FAM53A: variants seen among roughly 807,000 people sequenced by gnomAD.
FAM53A encodes family with sequence similarity 53 member A.
In FAM53A, 28 loss-of-function variants were observed where a neutral mutation model predicts 26.6. That is an observed-to-expected ratio of 1.05 (90% CI 0.78 to 1.45). The LOEUF (loss-of-function observed/expected upper bound fraction) is 1.45. Ranked by LOEUF, FAM53A falls within the 40% of genes most tolerant of loss-of-function variation. FAM53A has a pLI of 0.00. For synonymous variants in FAM53A, 290 were observed against 253.1 expected (o/e 1.15, Z -1.38); for missense variants, 650 against 575.8 (o/e 1.13, Z -1.32).
the FAM53A span, among the ~76,000 whole-genome samples, chr4:1,590,991 T>TATATATATATACACACACAC: frequency 4.7e-5 from 6 of 127,872 alleles, no homozygotes; most frequent in African/African-American, 2.0e-4. Context: ...TATATATATA[T>TATATATATATACACACACAC]ATATATATAT....
the FAM53A span, among the ~76,000 whole-genome samples, chr4:1,606,543 G>A: frequency 1.3e-5 from 2 of 152,174 alleles, no homozygotes; most frequent in African/African-American, 4.8e-5. Flanking sequence ...TGTGAGGTGT[G>A]TGTCCTGCCT....
chr4:1,628,758 A>G (rs1322448945), intron 1 of FAM53A, among the ~76,000 whole-genome samples: 5 of 11,160 alleles, frequency 4.5e-4, no homozygotes, highest in Non-Finnish European at 5.8e-4. Context: ...CCATGGGGGG[A>G]GGGTGGCATG....
At chr4:1,577,677 C>G in the FAM53A span, among the ~76,000 whole-genome samples, 1 of 152,220 alleles carries the variant, frequency 6.6e-6, no homozygotes, top group East Asian at 1.9e-4. Flanking sequence ...TTGGAGCGAG[C>G]TGCATGTATT....
intron 1 of FAM53A, among the ~76,000 whole-genome samples, chr4:1,622,032 C>T (rs1715060835): frequency 6.6e-6 from 1 of 152,206 alleles, no homozygotes; most frequent in African/African-American, 2.4e-5. Flanking sequence ...CATCTGCTCT[C>T]TCGCCTTCCT....
Position 1,655,221 on chromosome 4 carries a change from G to C in FAM53A, c.639C>G (p.Ser213=), listed in dbSNP as rs747027524. The change falls in exon 4 of 5, where the codon TCC becomes TCG. Residue 213 remains serine (S), a synonymous_variant. Transcript: ENST00000308132. ...GSGPLWCSAE[S]CLPSTRRRPS... ...GGCGGCGCCTCGTGGAGGGCAAGCA[G>C]GACTCCGCGGAACACCAGAGCGGGC... is the stretch of plus-strand genomic sequence containing the variant. 6.5e-7 allele frequency: 1 copy of C among 1,545,610 alleles called. No individual in the cohort carries two copies. Among genetic ancestry groups the C allele is most frequent in the South Asian group, 1.2e-5 (1 of 83,306 alleles).
At chr4:1,670,813 C>T (rs112649077) in intron 1 of FAM53A, among the ~76,000 whole-genome samples, 1 of 152,332 alleles carries the variant, frequency 6.6e-6, no homozygotes, top group African/African-American at 2.4e-5. Flanking sequence ...ACACCCCACG[C>T]TGGTCGATGT....
At chr4:1,655,945 A>C (rs1713344424) in intron 3 of FAM53A, among the ~76,000 whole-genome samples, 1 of 152,024 alleles carries the variant, frequency 6.6e-6, no homozygotes, top group Non-Finnish European at 1.5e-5. Flanking sequence ...TAAAGGGGAC[A>C]CCGTGTCTGA....
chr4:1,633,585 A>G (rs7667125), intron 1 of FAM53A, among the ~76,000 whole-genome samples: 59,766 of 151,994 alleles, frequency 0.39, 12,824 homozygotes, highest in African/African-American at 0.56. Flanking sequence ...AGATAAAGGC[A>G]GAATTAATGA....
Position 1,639,936 on chromosome 4 carries a change from G to A in FAM53A, c.*1357C>T, listed in dbSNP as rs889444225. 5 of 152,244 alleles carry A rather than the reference G, an allele frequency of 3.3e-5. No individual in the cohort carries two copies. The highest frequency in any genetic ancestry group is 5.9e-5 in the Non-Finnish European group (4 of 68,028). 9.4% of individuals were successfully genotyped at this position (152,244 alleles called of 1,614,324 possible). A position where few individuals can be genotyped will look rare whatever the true frequency, so the allele number is the denominator to read the frequency against. ...AAACCCCTACGATTTTATTAAAAGT[G>A]CAAGAATGAAAAACAGGAAATCCCT... is the stretch of plus-strand genomic sequence containing the variant. On this transcript the variant is annotated 3_prime_UTR_variant, in exon 5 of 5. Coordinates refer to ENST00000308132, the MANE Select transcript of FAM53A (RefSeq NM_001174070.3).
the FAM53A span, among the ~76,000 whole-genome samples, chr4:1,581,782 A>G: frequency 6.6e-6 from 1 of 152,112 alleles, no homozygotes; most frequent in East Asian, 1.9e-4. Context: ...TTTAGTAGAG[A>G]CAGGGTTTCT....
At chr4:1,629,366 G>A (rs1057319724) in intron 1 of FAM53A, among the ~76,000 whole-genome samples, 10 of 152,210 alleles carry the variant, frequency 6.6e-5, no homozygotes, top group Non-Finnish European at 1.2e-4. Context: ...CAGACCACCC[G>A]GCAGCTGGGC....
intron 1 of FAM53A, among the ~76,000 whole-genome samples, chr4:1,628,037 CG>C (rs1715388383): frequency 5.8e-4 from 3 of 5,158 alleles, no homozygotes; most frequent in African/African-American, 1.9e-3. Context: ...GAGGGTGGCA[CG>C]GGGGGAGGGT....
chr4:1,594,821 C>A, the FAM53A span, among the ~76,000 whole-genome samples: 1 of 152,132 alleles, frequency 6.6e-6, no homozygotes, highest in Non-Finnish European at 1.5e-5. Context: ...TCAGCCTGGG[C>A]AACAGAGCAA....
At chr4:1,649,115 A>AAGGGAAGAGGAAGGGGAAGGGGAAG (rs1712502176) in intron 4 of FAM53A, among the ~76,000 whole-genome samples, 1 of 145,612 alleles carries the variant, frequency 6.9e-6, no homozygotes, top group Non-Finnish European at 1.5e-5. Flanking sequence ...CAGAAAGGGA[A>AAGGGAAGAGGAAGGGGAAGGGGAAG]AGGGAAGAGG....
chr4:1,673,277 G>C (rs1266497004), intron 1 of FAM53A, among the ~76,000 whole-genome samples: 1 of 152,206 alleles, frequency 6.6e-6, no homozygotes, highest in Non-Finnish European at 1.5e-5. Flanking sequence ...ATCTGCCTCA[G>C]CACCGTCAGA....
intron 1 of FAM53A, among the ~76,000 whole-genome samples, chr4:1,631,851 C>T (rs1003207718): frequency 1.1e-4 from 16 of 152,158 alleles, no homozygotes; most frequent in African/African-American, 3.6e-4. Context: ...AAAAAAATTG[C>T]TCCTCACTTT....
chr4:1,611,239 G>A, the FAM53A span, among the ~76,000 whole-genome samples: 4 of 152,218 alleles, frequency 2.6e-5, no homozygotes, highest in Non-Finnish European at 4.4e-5. Flanking sequence ...TCAGTCCTTG[G>A]AGCACTGGCT....
At chr4:1,607,639 G>A in the FAM53A span, among the ~76,000 whole-genome samples, 5 of 152,028 alleles carry the variant, frequency 3.3e-5, no homozygotes, top group Non-Finnish European at 7.4e-5. Context: ...GCCATGCCAA[G>A]CCCTGGCTTC....
intron 1 of FAM53A, among the ~76,000 whole-genome samples, chr4:1,669,675 G>C (rs926419106): frequency 6.6e-6 from 1 of 152,334 alleles, no homozygotes; most frequent in Non-Finnish European, 1.5e-5. Context: ...ACCCAACAGA[G>C]GCCAAAACAG....
Sources: gnomAD v4.1 joint callset for allele counts (sites outside exome capture counted in the v4.1 genomes callset) on GRCh38, gnomAD v4.1.1 for gene constraint, MANE v1.5 for transcripts, NCBI Gene and HGNC (gene_info 2026-07-23, HGNC 2026-07-21) for gene names.